The following RSRC1 variants were observed in gnomAD, a reference collection of about 807,000 sequenced individuals.
The protein encoded by RSRC1 is arginine and serine rich coiled-coil 1, also known as serine/Arginine-related protein 53.
RSRC1 carries 39 observed loss-of-function variants against 49.1 expected under a neutral mutation model. That is an observed-to-expected ratio of 0.79 (90% CI 0.61 to 1.04). The LOEUF (loss-of-function observed/expected upper bound fraction) is 1.04, where lower values mean the gene tolerates loss of function less well. Among genes scored for constraint, RSRC1 ranks in the 50% least tolerant of loss-of-function variants. The probability of loss-of-function intolerance (pLI) is 0.00; values close to 1 mark genes in which losing one functional copy is unlikely to be tolerated. For missense variants in RSRC1, 388 were observed against 402.4 expected (o/e 0.96, Z 0.31); for synonymous variants, 143 against 130.8 (o/e 1.09, Z -0.63).
At chr3:158,432,567 C>G (rs1412775572) in intron 6 of RSRC1, among the ~76,000 whole-genome samples, 1 of 151,910 alleles carries the variant, frequency 6.6e-6, no homozygotes, top group Non-Finnish European at 1.5e-5. Flanking sequence ...TATCTGCAGT[C>G]TCTTCCTCTG....
At chr3:158,207,579 A>G (rs2108284312) in intron 4 of RSRC1, among the ~76,000 whole-genome samples, 1 of 152,208 alleles carries the variant, frequency 6.6e-6, no homozygotes, top group South Asian at 2.1e-4. Flanking sequence ...AGCTTGTGCT[A>G]AGTAACCTAA....
At chr3:158,305,287 A>G (rs1216734337) in intron 5 of RSRC1, among the ~76,000 whole-genome samples, 1 of 152,066 alleles carries the variant, frequency 6.6e-6, no homozygotes, top group African/African-American at 2.4e-5. Context: ...TGCAATTTTC[A>G]TGATATTGTT....
chr3:158,445,323 C>A (rs1388019348), intron 6 of RSRC1, among the ~76,000 whole-genome samples: 1 of 152,092 alleles, frequency 6.6e-6, no homozygotes, highest in African/African-American at 2.4e-5. Context: ...ACTATGCAGC[C>A]ATAAAAAAGG....
In RSRC1 at chr3:158,111,971, G is replaced by C. The variant is rs982508938; in HGVS notation, c.-3+1748G>C. On this transcript the variant is annotated intron_variant, in intron 1 of 9. Coordinates refer to ENST00000611884, the MANE Select transcript of RSRC1 (RefSeq NM_001271838.2). ...ATCAGGCACGTGAACTTTACATTAA[G>C]ATATTTCTGTAAATTGATCTCCTCC... Among the ~76,000 whole-genome samples the C allele has an allele frequency of 3.9e-5, 6 of 152,150 alleles. No homozygotes were observed. The South Asian group carries it at 6.2e-4, about 16-fold the overall frequency.
At chr3:158,523,781 C>T (rs186588267) in intron 7 of RSRC1, among the ~76,000 whole-genome samples, 1 of 152,044 alleles carries the variant, frequency 6.6e-6, no homozygotes, top group Non-Finnish European at 1.5e-5. Flanking sequence ...GAGGAATGAG[C>T]AGGAGCATGG....
At chr3:158,538,013 A>G (rs1272291650) in intron 8 of RSRC1, among the ~76,000 whole-genome samples, 1 of 151,758 alleles carries the variant, frequency 6.6e-6, no homozygotes, top group Admixed American at 6.6e-5. Context: ...GTTTTAATAC[A>G]TGTTTCCAAG....
chr3:158,343,859 C>CAAAGG (rs1166984639), intron 5 of RSRC1, among the ~76,000 whole-genome samples: 1 of 151,796 alleles, frequency 6.6e-6, no homozygotes, highest in African/African-American at 2.4e-5. Flanking sequence ...ATGGAGTTGC[C>CAAAGG]AAAGGAAAGG....
At chr3:158,186,039 G>A (rs576306230) in intron 3 of RSRC1, among the ~76,000 whole-genome samples, 1 of 151,822 alleles carries the variant, frequency 6.6e-6, no homozygotes, top group Admixed American at 6.6e-5. Context: ...TTTTCCACAT[G>A]TTTTCTTTCA....
intron 6 of RSRC1, among the ~76,000 whole-genome samples, chr3:158,393,090 G>A (rs556561660): frequency 5.3e-5 from 8 of 152,064 alleles, no homozygotes; most frequent in African/African-American, 1.7e-4. Context: ...TGAAATTAAG[G>A]TGGAAATAAA....
chr3:158,115,077 G>A (rs1714707795), intron 1 of RSRC1, among the ~76,000 whole-genome samples: 1 of 152,126 alleles, frequency 6.6e-6, no homozygotes, highest in Non-Finnish European at 1.5e-5. Flanking sequence ...TCTTGTGCTG[G>A]TTTTCAAGAG....
intron 4 of RSRC1, among the ~76,000 whole-genome samples, chr3:158,265,046 C>A (rs1252655299): frequency 6.6e-6 from 1 of 152,206 alleles, no homozygotes; most frequent in African/African-American, 2.4e-5. Context: ...GAACTCTTAA[C>A]TGCCTTGGTC....
At chr3:158,197,261 TC>T (rs1387486861) in intron 3 of RSRC1, among the ~76,000 whole-genome samples, 5 of 152,232 alleles carry the variant, frequency 3.3e-5, no homozygotes, top group Non-Finnish European at 7.3e-5. Context: ...TTTATCCATT[TC>T]TTCTAGATTT....
At chr3:158,343,590 C>T (rs1258377484) in intron 5 of RSRC1, among the ~76,000 whole-genome samples, 1 of 151,872 alleles carries the variant, frequency 6.6e-6, no homozygotes, top group Admixed American at 6.6e-5. Context: ...AGAGCTATAC[C>T]AGAAAGAGTG....
chr3:158,305,873 TC>T (rs1727811234), intron 5 of RSRC1, among the ~76,000 whole-genome samples: 1 of 152,066 alleles, frequency 6.6e-6, no homozygotes, highest in South Asian at 2.1e-4. Flanking sequence ...TTTTTAATTT[TC>T]CCCTTACTCA....
intron 7 of RSRC1, among the ~76,000 whole-genome samples, chr3:158,474,889 A>G (rs923563917): frequency 1.3e-5 from 2 of 151,824 alleles, no homozygotes; most frequent in Non-Finnish European, 2.9e-5. Context: ...GTCCTTTCAT[A>G]GCACTTATCA....
In RSRC1 at chr3:158,122,170, A is replaced by G. The variant is rs1245590944; in HGVS notation, c.66A>G (p.Arg22=). Residue 22 remains arginine, a synonymous_variant, in exon 2 of 10, where the codon AGA becomes AGG. Transcript: ENST00000611884. Reference sequence around the variant, plus strand: ...GCAAGAGAAAAAAGAAACACCGTAGACGGTCCTCCTCGAGCAGTTCTTCAG... The same window carrying G: ...GCAAGAGAAAAAAGAAACACCGTAGGCGGTCCTCCTCGAGCAGTTCTTCAG... ...SRSKRKKKHR[R]RSSSSSSSDS... 8 of 1,599,588 alleles carry G rather than the reference A, an allele frequency of 5.0e-6. No individual in the cohort carries two copies. Among genetic ancestry groups the G allele is most frequent in the East Asian group, 2.3e-5 (1 of 43,700 alleles).
At chr3:158,464,574 ATTTG>A (rs1429149272) in intron 7 of RSRC1, among the ~76,000 whole-genome samples, 8 of 145,562 alleles carry the variant, frequency 5.5e-5, no homozygotes, top group African/African-American at 1.8e-4. Flanking sequence ...CTCAAGTCTC[ATTTG>A]TTTAAGTTTA....
chr3:158,371,221 T>G (rs1201210686), intron 6 of RSRC1, among the ~76,000 whole-genome samples: 1 of 151,942 alleles, frequency 6.6e-6, no homozygotes, highest in Non-Finnish European at 1.5e-5. Flanking sequence ...TCTTGCTTAT[T>G]TTCTTAACAA....
chr3:158,363,925 G>A (rs962380527), intron 6 of RSRC1, among the ~76,000 whole-genome samples: 2 of 152,128 alleles, frequency 1.3e-5, no homozygotes, highest in Non-Finnish European at 2.9e-5. Context: ...AACTGGTTAA[G>A]TGTTATCAAA....
Sources: allele counts gnomAD v4.1 joint callset (sites outside exome capture counted in the v4.1 genomes callset), GRCh38; gene constraint gnomAD v4.1.1; transcripts MANE v1.5; gene names NCBI Gene and HGNC (gene_info 2026-07-23, HGNC 2026-07-21).